The following CSGALNACT1 variants were observed in gnomAD, a reference collection of about 807,000 sequenced individuals.
The protein encoded by CSGALNACT1 is beta4GalNAcT-1.
In CSGALNACT1, 52 loss-of-function variants were observed where a neutral mutation model predicts 51.0. That is an observed-to-expected ratio of 1.02 (90% CI 0.82 to 1.29). The LOEUF is 1.29. Among genes scored for constraint, CSGALNACT1 ranks in the 50% most tolerant of loss-of-function variants. The pLI, the probability that CSGALNACT1 is intolerant of heterozygous loss-of-function variation, is 0.00. For missense variants in CSGALNACT1, 935 were observed against 679.2 expected (o/e 1.38, Z -4.19); for synonymous variants, 341 against 254.4 (o/e 1.34, Z -3.24).
intron 1 of CSGALNACT1, among the ~76,000 whole-genome samples, chr8:19,689,571 C>A (rs776768056): frequency 2.0e-5 from 3 of 152,192 alleles, no homozygotes; most frequent in Non-Finnish European, 4.4e-5. Flanking sequence ...AAGATTCTGG[C>A]TTCTGCTTAA....
At chr8:19,704,692 G>C (rs1340489561) in intron 1 of CSGALNACT1, among the ~76,000 whole-genome samples, 1 of 152,114 alleles carries the variant, frequency 6.6e-6, no homozygotes, top group Non-Finnish European at 1.5e-5. Flanking sequence ...ATGGATGGAT[G>C]GATGGGTGGA....
At chr8:19,456,695 C>A (rs762326175) in intron 5 of CSGALNACT1, among the ~76,000 whole-genome samples, 9 of 150,142 alleles carry the variant, frequency 6.0e-5, no homozygotes, top group Non-Finnish European at 1.0e-4. Context: ...AACAATTATG[C>A]GATCATGCAC....
At chr8:19,415,175 A>C (rs1474181932) in intron 8 of CSGALNACT1, among the ~76,000 whole-genome samples, 1 of 152,184 alleles carries the variant, frequency 6.6e-6, no homozygotes, top group Non-Finnish European at 1.5e-5. Flanking sequence ...CCTCTATAAA[A>C]AGAAGAAAGT....
chr8:19,692,040 T>C (rs957862840), intron 1 of CSGALNACT1, among the ~76,000 whole-genome samples: 2 of 138,112 alleles, frequency 1.4e-5, no homozygotes, highest in African/African-American at 2.8e-5. Context: ...CTTCGCAAAG[T>C]AGCAGAAGAG....
intron 1 of CSGALNACT1, chr8:19,642,167 G>A (rs1221235402): frequency 6.6e-6 from 1 of 152,190 alleles, no homozygotes; most frequent in East Asian, 1.9e-4. Context: ...AGAAATCTTA[G>A]AGACATCTGT....
intron 3 of CSGALNACT1, among the ~76,000 whole-genome samples, chr8:19,514,379 T>C (rs1278003261): frequency 6.6e-6 from 1 of 150,388 alleles, no homozygotes; most frequent in Non-Finnish European, 1.5e-5. Flanking sequence ...TTGCTGCTTT[T>C]CCTCCTCTTT....
At chr8:19,719,484 C>A (rs1318597880) in intron 1 of CSGALNACT1, among the ~76,000 whole-genome samples, 1 of 152,202 alleles carries the variant, frequency 6.6e-6, no homozygotes, top group Non-Finnish European at 1.5e-5. Context: ...GTACATTAAA[C>A]ATCACAAAGG....
intron 3 of CSGALNACT1, among the ~76,000 whole-genome samples, chr8:19,564,395 A>G (rs1291226315): frequency 1.4e-5 from 2 of 143,806 alleles, no homozygotes; most frequent in African/African-American, 5.8e-5. Flanking sequence ...GGTGAGGTTC[A>G]GGTATTTTTT....
chr8:19,606,322 T>C (rs917495842), upstream of CSGALNACT1, among the ~76,000 whole-genome samples: 1 of 152,214 alleles, frequency 6.6e-6, no homozygotes, highest in African/African-American at 2.4e-5. Flanking sequence ...GTGAAGTCCC[T>C]TATGTTATGG....
At chr8:19,534,803 G>C (rs2083435001) in intron 3 of CSGALNACT1, among the ~76,000 whole-genome samples, 1 of 152,216 alleles carries the variant, frequency 6.6e-6, no homozygotes, top group African/African-American at 2.4e-5. Context: ...TAAGCAGTTT[G>C]TTAGAACTAA....
chr8:19,685,269 G>A (rs541148949), upstream of CSGALNACT1, among the ~76,000 whole-genome samples: 1 of 152,124 alleles, frequency 6.6e-6, no homozygotes, highest in African/African-American at 2.4e-5. Flanking sequence ...CCAGCAATGA[G>A]CACATAAGGC....
intron 3 of CSGALNACT1, among the ~76,000 whole-genome samples, chr8:19,526,993 T>C (rs565208825): frequency 1.3e-5 from 2 of 152,332 alleles, no homozygotes; most frequent in East Asian, 3.9e-4. Flanking sequence ...TCCGTATCTA[T>C]ATGACTCACT....
intron 1 of CSGALNACT1, among the ~76,000 whole-genome samples, chr8:19,689,559 A>G (rs1437147150): frequency 6.6e-6 from 1 of 152,244 alleles, no homozygotes; most frequent in African/African-American, 2.4e-5. Flanking sequence ...ACACGACTAT[A>G]AAAGATTCTG....
intron 3 of CSGALNACT1, 29 bp from the exon 3 acceptor site, chr8:19,506,159 C>T (rs1449059207): frequency 1.8e-6 from 1 of 548,656 alleles, no homozygotes; most frequent in East Asian, 4.3e-5. Context: ...GACATCAACA[C>T]TTAATCAAGA....
At chr8:19,480,482 A>T (rs1323977313) in intron 4 of CSGALNACT1, among the ~76,000 whole-genome samples, 1 of 152,108 alleles carries the variant, frequency 6.6e-6, no homozygotes, top group Non-Finnish European at 1.5e-5. Flanking sequence ...ACGCCATGGT[A>T]TGTACATACC....
At chr8:19,460,252 G>T (rs763500932) in intron 4 of CSGALNACT1, among the ~76,000 whole-genome samples, 6 of 151,920 alleles carry the variant, frequency 3.9e-5, no homozygotes, top group Non-Finnish European at 8.8e-5. Flanking sequence ...AGAGAATCAG[G>T]GAGACACAGA....
chr8:19,514,393 C>T (rs2079069286), intron 3 of CSGALNACT1, among the ~76,000 whole-genome samples: 1 of 149,050 alleles, frequency 6.7e-6, no homozygotes, highest in African/African-American at 2.5e-5. Context: ...CCTCTTTCCT[C>T]AATACTCAAG....
chr8:19,663,401 T>C (rs1564375594), intron 1 of CSGALNACT1, among the ~76,000 whole-genome samples: 2 of 152,148 alleles, frequency 1.3e-5, no homozygotes, highest in African/African-American at 4.8e-5. Context: ...TACTGAAAAA[T>C]CACTCACTAC....
chr8:19,541,629 A>G (rs1202459636), intron 3 of CSGALNACT1, among the ~76,000 whole-genome samples: 1 of 134,566 alleles, frequency 7.4e-6, no homozygotes, highest in Admixed American at 8.2e-5. Flanking sequence ...CCAGCTCCTG[A>G]CCTCAGGTGA....
Sources: allele counts gnomAD v4.1 joint callset (sites outside exome capture counted in the v4.1 genomes callset), GRCh38; gene constraint gnomAD v4.1.1; transcripts MANE v1.5; gene names NCBI Gene and HGNC (gene_info 2026-07-23, HGNC 2026-07-21).